The following TSPAN9 variants were observed in gnomAD, a reference collection of about 807,000 sequenced individuals.
TSPAN9 encodes tetraspanin-9.
Under a neutral mutation model 31.0 loss-of-function variants are expected in TSPAN9, and 16 were observed. The ratio of observed to expected loss-of-function variants is 0.52; its 90% CI spans 0.35 to 0.78. The LOEUF is 0.78. Among genes scored for constraint, TSPAN9 ranks in the 30% least tolerant of loss-of-function variants. The pLI, the probability that TSPAN9 is intolerant of heterozygous loss-of-function variation, is 0.01. For synonymous variants in TSPAN9, 145 were observed against 121.6 expected (o/e 1.19, Z -1.27); for missense variants, 272 against 312.5 (o/e 0.87, Z 0.98).
Position 3,107,675 on chromosome 12 carries a change from C to T in TSPAN9, c.-18+23956C>T, listed in dbSNP as rs1262390017. Among the ~76,000 whole-genome samples, 1 of 152,216 alleles carries T rather than the reference C, an allele frequency of 6.6e-6. No individual in the cohort carries two copies. On this transcript the variant is annotated intron_variant, in intron 2 of 8. Coordinates refer to ENST00000011898, the MANE Select transcript of TSPAN9 (RefSeq NM_006675.5). This position sits in a 1 kb window ranked among gnomAD's most constrained non-coding sequence, Gnocchi z 4.1. ...GCTGCAAGGACCTTTAGGTCACGCCCAGAGACAGCCTTTTGCTTCAGTGTC... is the reference window on the plus strand; with the variant it reads ...GCTGCAAGGACCTTTAGGTCACGCCTAGAGACAGCCTTTTGCTTCAGTGTC...
intron 2 of TSPAN9, among the ~76,000 whole-genome samples, chr12:3,103,978 G>A (rs1348326324): frequency 6.6e-6 from 1 of 152,208 alleles, no homozygotes; most frequent in Non-Finnish European, 1.5e-5. Flanking sequence ...GGGAGGATGA[G>A]GCGGGGTCAG....
intron 8 of TSPAN9, 61 bp from the exon 9 acceptor site, chr12:3,282,984 G>A: frequency 1.3e-6 from 2 of 1,571,500 alleles, no homozygotes; most frequent in South Asian, 2.2e-5. Context: ...AGCCTCTCGG[G>A]GCTGAGGTCA....
At chr12:3,218,529 G>A (rs2098382573) in intron 3 of TSPAN9, among the ~76,000 whole-genome samples, 1 of 152,260 alleles carries the variant, frequency 6.6e-6, no homozygotes, top group Admixed American at 6.5e-5. Context: ...GCCTGGGTGG[G>A]CCAGGGGTGA....
intron 8 of TSPAN9, 32 bp downstream of exon 8, chr12:3,281,849 C>T (rs373095442): frequency 6.2e-7 from 1 of 1,607,302 alleles, no homozygotes; most frequent in South Asian, 1.1e-5. Flanking sequence ...GCCTCACCCA[C>T]CCTGCTGGCC....
rs143004010 is a variant in TSPAN9, at chr12:3,229,083, C to T, written c.63+27827C>T. 1.2e-3 allele frequency among the ~76,000 whole-genome samples: 187 copies of T among 152,356 alleles called. 2 individuals are homozygous for T. The highest frequency in any genetic ancestry group is 1.2e-3 in the Non-Finnish European group (84 of 68,036). ...CTTCATATAATCACATCTGCAAAGA[C>T]CCTCTTCCAAATAAGGTCACATTCA... is the stretch of plus-strand genomic sequence containing the variant. On this transcript the variant is annotated intron_variant, in intron 3 of 8. Coordinates refer to ENST00000011898, the MANE Select transcript of TSPAN9 (RefSeq NM_006675.5).
chr12:3,283,097 G>T lies in TSPAN9; in HGVS notation c.701G>T (p.Gly234Val). Reference protein sequence around the residue: ...MTLFQHIHRTGKKYDA With the variant: ...MTLFQHIHRTVKKYDA Reference sequence around the variant, plus strand: ...CTCTTCCAGCACATCCACCGGACTGGTAAGAAGTACGACGCATGAGCGGGC... The same window carrying T: ...CTCTTCCAGCACATCCACCGGACTGTTAAGAAGTACGACGCATGAGCGGGC... The change falls in exon 9 of 9, where the codon GGT becomes GTT. Residue 234 changes from glycine (G) to valine (V), a missense_variant. By Grantham distance (109) the Gly-to-Val change is moderately radical. Coordinates refer to ENST00000011898, the MANE Select transcript of TSPAN9 (RefSeq NM_006675.5). The T allele has an allele frequency of 6.2e-7, 1 of 1,609,498 alleles. No homozygotes were observed.
At chr12:3,206,835 G>A (rs1226844256) in intron 3 of TSPAN9, among the ~76,000 whole-genome samples, 1 of 152,178 alleles carries the variant, frequency 6.6e-6, no homozygotes, top group Non-Finnish European at 1.5e-5. Context: ...TTAGAGACAA[G>A]ATATAGAGAT....
chr12:3,088,124 A>T (rs2098301614), intron 2 of TSPAN9, among the ~76,000 whole-genome samples: 1 of 152,250 alleles, frequency 6.6e-6, no homozygotes, highest in Admixed American at 6.5e-5. Flanking sequence ...GTGAACATGC[A>T]GGATGACATG....
intron 2 of TSPAN9, among the ~76,000 whole-genome samples, chr12:3,100,091 G>A (rs1351060245): frequency 1.3e-5 from 2 of 152,018 alleles, no homozygotes; most frequent in African/African-American, 2.4e-5. Context: ...TGATCCGCCC[G>A]CCTCGGCCTC....
intron 3 of TSPAN9, among the ~76,000 whole-genome samples, chr12:3,268,160 A>AGCCTGCCCTCCATGCG (rs1565639161): frequency 2.3e-5 from 3 of 130,206 alleles, no homozygotes; most frequent in South Asian, 2.5e-4. Context: ...CCCTCCGTGC[A>AGCCTGCCCTCCATGCG]TTCCTGCAGC....
At chr12:3,077,900 C>T (rs1258000349) in intron 1 of TSPAN9, among the ~76,000 whole-genome samples, 1 of 152,194 alleles carries the variant, frequency 6.6e-6, no homozygotes, top group East Asian at 1.9e-4. Flanking sequence ...CGACCGCTCC[C>T]TGGGCCACTG....
intron 3 of TSPAN9, among the ~76,000 whole-genome samples, chr12:3,271,136 T>C (rs1045194187): frequency 2.0e-5 from 3 of 152,234 alleles, no homozygotes; most frequent in Non-Finnish European, 2.9e-5. Flanking sequence ...ATGGGTGTCA[T>C]CTCCCTGACA....
At position 3,280,253 on chromosome 12, in the gene TSPAN9, A is replaced by C. The variant is rs956632060; in HGVS notation, c.331-129A>C. On this transcript the variant is annotated intron_variant, in intron 5 of 8. Transcript: ENST00000011898. This position sits in a 1 kb window ranked among gnomAD's most constrained non-coding sequence, Gnocchi z 4.5. The stretch of plus-strand genomic sequence containing the variant: ...CCCACCCCAGTGGGCAGGGCCTTCC[A>C]GACCAGCTGCCTTCCCTGCCTTCCT... 307 of 810,454 alleles carry C rather than the reference A, an allele frequency of 3.8e-4. No homozygotes were observed. The highest frequency in any genetic ancestry group is 5.4e-4 in the Non-Finnish European group (269 of 501,216). 50.2% of individuals were successfully genotyped at this position (810,454 alleles called of 1,614,324 possible).
Position 3,107,607 on chromosome 12 carries a change from C to A in TSPAN9, c.-18+23888C>A, listed in dbSNP as rs889148785. Among the ~76,000 whole-genome samples, 1 of 152,186 alleles carries A rather than the reference C, an allele frequency of 6.6e-6. No homozygotes were observed. Among genetic ancestry groups the A allele is most frequent in the African/African-American group, 2.4e-5 (1 of 41,446 alleles). Reference sequence around the variant, plus strand: ...TCTGGCTTTCCCTTTCTGTTTGGGGCACTGGCTTCGTGGTGGCCTCTTCCC... The same window carrying A: ...TCTGGCTTTCCCTTTCTGTTTGGGGAACTGGCTTCGTGGTGGCCTCTTCCC... On this transcript the variant is annotated intron_variant, in intron 2 of 8. Transcript: ENST00000011898. This position sits in a 1 kb window ranked among gnomAD's most constrained non-coding sequence, Gnocchi z 4.1.
At chr12:3,098,896 G>A (rs1303939274) in intron 2 of TSPAN9, among the ~76,000 whole-genome samples, 1 of 151,946 alleles carries the variant, frequency 6.6e-6, no homozygotes, top group African/African-American at 2.4e-5. Context: ...GTGACTATGG[G>A]TGTGCATCAC....
chr12:3,203,298 G>A (rs1255338712), intron 3 of TSPAN9, among the ~76,000 whole-genome samples: 1 of 152,212 alleles, frequency 6.6e-6, no homozygotes, highest in Non-Finnish European at 1.5e-5. Flanking sequence ...TTATATGTTT[G>A]TGAATGAATG....
In TSPAN9 at chr12:3,102,435, A is replaced by ATTT. The variant is rs33918863; in HGVS notation, c.-18+18732_-18+18734dup. ...AGCTGCTTACCCTGGCCAAGGAGGAATTTTTTTTTTTTTTTTTTAGACAGA... is the reference window on the plus strand; with the variant it reads ...AGCTGCTTACCCTGGCCAAGGAGGAATTTTTTTTTTTTTTTTTTTTTAGACAGA... On this transcript the variant is annotated intron_variant, in intron 2 of 8. Transcript: ENST00000011898. Among the ~76,000 whole-genome samples, 452 of 135,250 alleles carry ATTT rather than the reference A, an allele frequency of 3.3e-3. 5 individuals carry two copies. The highest frequency in any genetic ancestry group is 8.3e-3 in the African/African-American group (289 of 34,980). 88.7% of individuals were successfully genotyped at this position (135,250 alleles called of 152,430 possible).
At position 3,108,484 on chromosome 12, in the gene TSPAN9, G is replaced by A. The variant is rs909990975; in HGVS notation, c.-18+24765G>A. ...TTCTCTCTGGAGTCTCTGGTGTCCC[G>A]TGGAAAAGTCTCTCTGTCTCTAGTG... On this transcript the variant is annotated intron_variant, in intron 2 of 8. Coordinates refer to ENST00000011898, the MANE Select transcript of TSPAN9 (RefSeq NM_006675.5). Among the ~76,000 whole-genome samples the A allele has an allele frequency of 3.3e-5, 5 of 152,100 alleles. No homozygotes were observed. The East Asian group carries it at 5.8e-4, about 18-fold the overall frequency.
At chr12:3,249,916 C>G (rs963579236) in intron 3 of TSPAN9, among the ~76,000 whole-genome samples, 3 of 152,160 alleles carry the variant, frequency 2.0e-5, no homozygotes, top group Admixed American at 2.0e-4. Context: ...TCACCATGCA[C>G]AAGGGCAGTG....
Sources: gnomAD v4.1 joint callset for allele counts (sites outside exome capture counted in the v4.1 genomes callset) on GRCh38, gnomAD v4.1.1 for gene constraint, Gnocchi (gnomAD v3.1) non-coding constraint, MANE v1.5 for transcripts, NCBI Gene and HGNC (gene_info 2026-07-23, HGNC 2026-07-21) for gene names.